Variants in DYSF observed in about 807,000 individuals in gnomAD.
The protein encoded by DYSF is dysferlin.
DYSF carries 212 observed loss-of-function variants against 274.9 expected under a neutral mutation model. The ratio of observed to expected loss-of-function variants is 0.77; its 90% CI spans 0.69 to 0.86. DYSF has a LOEUF of 0.86. Among genes scored for constraint, DYSF ranks in the 40% least tolerant of loss-of-function variants. The pLI, the probability that DYSF is intolerant of heterozygous loss-of-function variation, is 0.00. For missense variants in DYSF, 2,666 were observed against 2,783.2 expected (o/e 0.96, Z 0.95); for synonymous variants, 1,091 against 1,078.7 (o/e 1.01, Z -0.22).
intron 42 of DYSF, 97 bp from the exon 43 acceptor site, chr2:71,656,065 T>TCAAA (rs1391956113): frequency 1.4e-4 from 200 of 1,450,348 alleles, no homozygotes; most frequent in Middle Eastern, 5.2e-4. Flanking sequence ...ACTCTCACAC[T>TCAAA]GTCATGTTTC....
In DYSF at chr2:71,515,768, A is replaced by T; in HGVS notation, c.888+17A>T. 1 of 1,614,062 alleles carries T rather than the reference A, an allele frequency of 6.2e-7. No individual in the cohort carries two copies. The highest frequency in any genetic ancestry group is 1.7e-5 in the Admixed American group (1 of 60,020). ...TTCAATGAGGTGGGAGACATGGGGCATGAGGGCCAGAACCTTGGTGGGCCT... is the reference window on the plus strand; with the variant it reads ...TTCAATGAGGTGGGAGACATGGGGCTTGAGGGCCAGAACCTTGGTGGGCCT... On this transcript the variant is annotated intron_variant, in intron 8 of 55. Coordinates refer to ENST00000410020, the MANE Select transcript of DYSF (RefSeq NM_001130987.2).
At chr2:71,609,192 C>T (rs2093701847) in intron 36 of DYSF, among the ~76,000 whole-genome samples, 2 of 152,166 alleles carry the variant, frequency 1.3e-5, no homozygotes, top group Admixed American at 6.5e-5. Context: ...TCCAAGGGCA[C>T]CTTTCATGTG....
intron 1 of DYSF, among the ~76,000 whole-genome samples, chr2:71,472,223 T>C (rs1035178833): frequency 6.6e-6 from 1 of 152,198 alleles, no homozygotes; most frequent in Non-Finnish European, 1.5e-5. Context: ...TTATTTCCTT[T>C]GGGTAAATAC....
chr2:71,679,192 G>A lies in DYSF; in HGVS notation c.6020G>A (p.Trp2007Ter). The change falls in exon 53 of 56, where the codon TGG becomes TAG. Residue 2007 changes from tryptophan (W) to a stop codon, truncating the protein, a stop_gained. Transcript: ENST00000410020. LOFTEE classifies it high-confidence loss of function. ...SLFEQKTVKG[W>*]WPCVAEEGEK... is the part of the protein sequence containing the mutation. ...TTTGAGCAGAAAACAGTGAAGGGCT[G>A]GTGGCCCTGTGTAGCAGAAGAGGGT... is the stretch of plus-strand genomic sequence containing the variant. 4 of 1,614,040 alleles carry A rather than the reference G, an allele frequency of 2.5e-6. No homozygotes were observed. Among genetic ancestry groups the A allele is most frequent in the Non-Finnish European group, 3.4e-6 (4 of 1,179,960 alleles).
intron 42 of DYSF, among the ~76,000 whole-genome samples, chr2:71,655,104 C>T (rs2094743465): frequency 6.6e-6 from 1 of 151,714 alleles, no homozygotes; most frequent in African/African-American, 2.4e-5. Flanking sequence ...CTTGCACCCC[C>T]CATCCACAAA....
intron 45 of DYSF, 105 bp downstream of exon 45, chr2:71,660,756 G>A (rs2094864932): frequency 3.1e-6 from 3 of 977,142 alleles, no homozygotes; most frequent in African/African-American, 3.2e-5. Context: ...ATCTCTTGGA[G>A]CAAAACTGTA....
intron 1 of DYSF, among the ~76,000 whole-genome samples, chr2:71,469,927 T>A (rs1448410412): frequency 1.3e-5 from 2 of 152,218 alleles, no homozygotes; most frequent in Non-Finnish European, 2.9e-5. Context: ...CCTCTATTCA[T>A]GCAGTTAGTT....
chr2:71,572,429 G>A (rs1352155124), intron 29 of DYSF, among the ~76,000 whole-genome samples: 3 of 152,178 alleles, frequency 2.0e-5, no homozygotes, highest in Non-Finnish European at 2.9e-5. Flanking sequence ...AAGGTCACAT[G>A]CAAAGTTCAC....
intron 1 of DYSF, among the ~76,000 whole-genome samples, chr2:71,474,217 T>A (rs933800623): frequency 2.0e-5 from 3 of 152,204 alleles, no homozygotes; most frequent in African/African-American, 7.2e-5. Flanking sequence ...TGAGCAACCA[T>A]GCCCAGCCGA....
At chr2:71,636,152 G>A (rs2094399174) in intron 41 of DYSF, among the ~76,000 whole-genome samples, 1 of 152,312 alleles carries the variant, frequency 6.6e-6, no homozygotes, top group East Asian at 1.9e-4. Context: ...AGGGAGGTGT[G>A]AGGGCTCGAT....
intron 3 of DYSF, among the ~76,000 whole-genome samples, chr2:71,495,703 G>A (rs530174188): frequency 6.6e-5 from 10 of 152,230 alleles, no homozygotes; most frequent in South Asian, 2.1e-4. Context: ...ACCAGGGGCC[G>A]TGGTCCTCTA....
At chr2:71,601,438 G>C in intron 34 of DYSF, 61 bp from the exon 35 acceptor site, 1 of 1,606,766 alleles carries the variant, frequency 6.2e-7, no homozygotes, top group African/African-American at 1.3e-5. Context: ...TGAGTGTCAT[G>C]AGGGTGATGG....
chr2:71,664,153 T>C, intron 45 of DYSF, 115 bp from the exon 46 acceptor site: 1 of 1,359,500 alleles, frequency 7.4e-7, no homozygotes, highest in East Asian at 2.4e-5. Context: ...CTGTAAGATC[T>C]GTAGGGGGCC....
intron 40 of DYSF, among the ~76,000 whole-genome samples, chr2:71,617,749 TG>T (rs2093926915): frequency 9.4e-6 from 1 of 106,836 alleles, no homozygotes; most frequent in African/African-American, 3.7e-5. Flanking sequence ...TGTGTGTATG[TG>T]GGGTAGAGGT....
chr2:71,577,266 ACACT>A (rs559654296), intron 30 of DYSF: 180 of 153,836 alleles, frequency 1.2e-3, no homozygotes, highest in South Asian at 1.8e-3. Flanking sequence ...ACCAACACAC[ACACT>A]CTTTCCACTC....
At chr2:71,580,109 C>G (rs990388310) in intron 30 of DYSF, among the ~76,000 whole-genome samples, 3 of 152,246 alleles carry the variant, frequency 2.0e-5, no homozygotes, top group Non-Finnish European at 4.4e-5. Flanking sequence ...CATGGAGTCC[C>G]TTTGTGGTGG....
chr2:71,543,533 C>T (rs996321311), intron 17 of DYSF, among the ~76,000 whole-genome samples: 3 of 152,140 alleles, frequency 2.0e-5, no homozygotes, highest in Non-Finnish European at 4.4e-5. Context: ...AGGTTGATAG[C>T]GAGCCGAGAT....
At chr2:71,470,410 C>T (rs184512887) in intron 1 of DYSF, among the ~76,000 whole-genome samples, 6 of 152,194 alleles carry the variant, frequency 3.9e-5, no homozygotes, top group Admixed American at 6.5e-5. Flanking sequence ...TGGTGGCTCA[C>T]GCCTGTAATC....
intron 8 of DYSF, among the ~76,000 whole-genome samples, chr2:71,515,958 C>T (rs1213118826): frequency 6.6e-6 from 1 of 152,218 alleles, no homozygotes; most frequent in Non-Finnish European, 1.5e-5. Context: ...ATCCCTGTCA[C>T]CCTATAGGGC....
Sources: allele counts gnomAD v4.1 joint callset (sites outside exome capture counted in the v4.1 genomes callset), GRCh38; gene constraint gnomAD v4.1.1; transcripts MANE v1.5; gene names NCBI Gene and HGNC (gene_info 2026-07-23, HGNC 2026-07-21).